PARP4: variants seen among roughly 807,000 people sequenced by gnomAD.
The protein encoded by PARP4 is poly(ADP-ribose) polymerase family member 4.
PARP4 carries 120 observed loss-of-function variants against 187.7 expected under a neutral mutation model. The ratio of observed to expected loss-of-function variants is 0.64; its 90% CI spans 0.55 to 0.74. PARP4 has a LOEUF of 0.74. PARP4 is among the 30% of genes least tolerant of loss of function. The pLI, the probability that PARP4 is intolerant of heterozygous loss-of-function variation, is 0.00. For missense variants in PARP4, 1,836 were observed against 2,070.5 expected (o/e 0.89, Z 2.20); for synonymous variants, 654 against 740.9 (o/e 0.88, Z 1.90).
At chr13:24,497,015 T>A (rs1046479974) in intron 6 of PARP4, among the ~76,000 whole-genome samples, 10 of 152,058 alleles carry the variant, frequency 6.6e-5, no homozygotes, top group African/African-American at 2.4e-4. Flanking sequence ...AGAGTGAGAC[T>A]CTGTCTCGGG....
In PARP4 at chr13:24,455,181, T is replaced by C. The variant is rs772926523; in HGVS notation, c.2594A>G (p.Asp865Gly). The C allele has an allele frequency of 1.9e-6, 3 of 1,596,416 alleles. No individual in the cohort carries two copies. Among genetic ancestry groups the C allele is most frequent in the East Asian group, 4.5e-5 (2 of 44,468 alleles). Residue 865 changes from aspartate to glycine, a missense_variant, in exon 22 of 34, where the codon GAT becomes GGT. Transcript: ENST00000381989. ...ACMLVFQPDLDVDLPDLASES... is the reference protein window; with the variant it reads ...ACMLVFQPDLGVDLPDLASES... Reference sequence around the variant, plus strand: ...ACTGGCTAGGTCAGGGAGGTCGACATCGAGATCGGGTTGAAAGACAAGCAT... The same window carrying C: ...ACTGGCTAGGTCAGGGAGGTCGACACCGAGATCGGGTTGAAAGACAAGCAT...
rs180979893 is a variant in PARP4, at chr13:24,483,304, G to A, written c.1448+1349C>T. Among the ~76,000 whole-genome samples, 1,244 of 150,804 alleles carry A rather than the reference G, an allele frequency of 8.2e-3. 9 individuals carry two copies. The highest frequency in any genetic ancestry group is 0.017 in the Middle Eastern group (5 of 294). ...GATCGAGACCATCCTGGCTAACAAG[G>A]TGAAACCCCGTCTCTACTAAAAATA... On this transcript the variant is annotated intron_variant, in intron 12 of 33. Transcript: ENST00000381989.
chr13:24,456,444 T>C lies in PARP4; in HGVS notation c.2459A>G (p.Glu820Gly). The C allele has an allele frequency of 6.2e-7, 1 of 1,608,644 alleles. No individual in the cohort carries two copies. Among genetic ancestry groups the C allele is most frequent in the Non-Finnish European group, 8.5e-7 (1 of 1,175,772 alleles). ...TCCACTGCTGTCTAAGGAGCTGCCT[T>C]CCATGGTGCTAATGACAGCTTTGCA... is the stretch of plus-strand genomic sequence containing the variant. ...TDCKAVISTM[E>G]GSSLDSSGFS... Residue 820 changes from glutamate to glycine, a missense_variant, in exon 21 of 34, where the codon GAA (glutamate) becomes GGA (glycine). By Grantham distance (98) the Glu-to-Gly change is moderately conservative. This residue lies in a region of PARP4 where 1,147 missense variants were observed against 1,214.2 expected (regional missense o/e 0.94). Transcript: ENST00000381989.
chr13:24,505,082 A>G (rs1869544295), intron 1 of PARP4, among the ~76,000 whole-genome samples: 1 of 149,516 alleles, frequency 6.7e-6, no homozygotes, highest in African/African-American at 2.5e-5. Flanking sequence ...AGCTCACTGT[A>G]ATCTCTGCCC....
At chr13:24,431,636 G>A (rs61947015) in intron 31 of PARP4, among the ~76,000 whole-genome samples, 160 bp from the exon 32 acceptor site, 19,744 of 152,216 alleles carry the variant, frequency 0.13, 1,569 homozygotes, top group Middle Eastern at 0.29. Context: ...CACACGGTAT[G>A]CCCATGTAAT....
At chr13:24,436,087 C>A (rs967550870) in intron 30 of PARP4, among the ~76,000 whole-genome samples, 1 of 152,022 alleles carries the variant, frequency 6.6e-6, no homozygotes, top group Non-Finnish European at 1.5e-5. Flanking sequence ...CTTAGAATTG[C>A]GGAATTTTAA....
At chr13:24,489,225 C>T (rs939111450) in intron 10 of PARP4, among the ~76,000 whole-genome samples, 2 of 152,120 alleles carry the variant, frequency 1.3e-5, no homozygotes, top group African/African-American at 2.4e-5. Flanking sequence ...AATCATCTAA[C>T]GCAGGCTGCA....
Position 24,452,498 on chromosome 13 carries a change from CAGG to C in PARP4, c.2919_2921del (p.Leu974del). The C allele has an allele frequency of 6.2e-7, 1 of 1,614,068 alleles. No homozygotes were observed. The highest frequency in any genetic ancestry group is 8.5e-7 in the Non-Finnish European group (1 of 1,179,980). On this transcript the variant is annotated inframe_deletion, in exon 24 of 34. Coordinates refer to ENST00000381989, the MANE Select transcript of PARP4 (RefSeq NM_006437.4). ...CATCCTGGAGGTGCCCATCAGACAC[CAGG>C]AGGATGTTCCGTGACCCTCGAGCAG...
chr13:24,460,515 T>G (rs1238610918), intron 17 of PARP4, among the ~76,000 whole-genome samples: 1 of 151,978 alleles, frequency 6.6e-6, no homozygotes, highest in African/African-American at 2.4e-5. Flanking sequence ...GCTGCATGGG[T>G]GGGCTCTGCT....
chr13:24,494,541 TCAA>T, intron 7 of PARP4, 29 bp downstream of exon 7: 2 of 1,575,468 alleles, frequency 1.3e-6, no homozygotes, highest in Non-Finnish European at 1.7e-6. Flanking sequence ...AAATATTCAA[TCAA>T]CAACAAAAAA....
intron 17 of PARP4, among the ~76,000 whole-genome samples, chr13:24,463,314 G>A (rs1185302226): frequency 6.6e-6 from 1 of 152,032 alleles, no homozygotes; most frequent in Admixed American, 6.6e-5. Flanking sequence ...AAATGAAGGT[G>A]AAAGACTTTG....
Position 24,498,113 on chromosome 13 carries a change from T to C in PARP4, c.591+3A>G. 6.3e-7 allele frequency: 1 copy of C among 1,592,608 alleles called. No homozygotes were observed. Among genetic ancestry groups the C allele is most frequent in the South Asian group, 1.1e-5 (1 of 90,626 alleles). On this transcript the variant is annotated splice_donor_region_variant and intron_variant, in intron 6 of 33. Coordinates refer to ENST00000381989, the MANE Select transcript of PARP4 (RefSeq NM_006437.4). ...ACATAGGAATCAATATAAACAGCAT[T>C]ACCTCCATGCCATCATCCAGGAGGA...
At chr13:24,480,022 C>A (rs1443172476) in intron 12 of PARP4, among the ~76,000 whole-genome samples, 1 of 152,078 alleles carries the variant, frequency 6.6e-6, no homozygotes, top group Non-Finnish European at 1.5e-5. Context: ...CCTGAGCCAG[C>A]GAGACCACGA....
intron 10 of PARP4, among the ~76,000 whole-genome samples, 167 bp downstream of exon 10, chr13:24,490,501 G>T (rs1868578589): frequency 6.6e-6 from 1 of 152,162 alleles, no homozygotes; most frequent in Non-Finnish European, 1.5e-5. Flanking sequence ...ACAGAAAACT[G>T]CCCCAGGCAC....
chr13:24,468,362 TG>T (rs1872576954), intron 17 of PARP4, among the ~76,000 whole-genome samples: 1 of 151,404 alleles, frequency 6.6e-6, no homozygotes, highest in Non-Finnish European at 1.5e-5. Flanking sequence ...ATCTGCTAGG[TG>T]AGCTTACTTC....
At chr13:24,423,510 G>A (rs1292182187) in intron 33 of PARP4, among the ~76,000 whole-genome samples, 1 of 148,676 alleles carries the variant, frequency 6.7e-6, no homozygotes, top group Admixed American at 6.7e-5. Flanking sequence ...CAGCCTGGGT[G>A]ACAGAACGAG....
chr13:24,437,236 T>C (rs985728059), intron 30 of PARP4, among the ~76,000 whole-genome samples: 28 of 152,172 alleles, frequency 1.8e-4, no homozygotes, highest in Admixed American at 1.8e-3. Context: ...AAAAATTGAA[T>C]GTAAACATGA....
rs1045270871 is a variant in PARP4 at position 24,503,928 on chromosome 13, T to C, written c.-1-151A>G. ...TCAATAGAACATTGCAAAAATTGAA[T>C]AATATCCTAGCTTGCAATATGTGTG... On this transcript the variant is annotated intron_variant, in intron 1 of 33. Coordinates refer to ENST00000381989, the MANE Select transcript of PARP4 (RefSeq NM_006437.4). 8 of 664,834 alleles carry C rather than the reference T, an allele frequency of 1.2e-5. No individual in the cohort carries two copies. The African/African-American group carries it at 1.3e-4, about 11-fold the overall frequency. 41.2% of individuals were successfully genotyped at this position (664,834 alleles called of 1,614,324 possible). A position where few individuals can be genotyped will look rare whatever the true frequency, so the allele number is the denominator to read the frequency against.
At chr13:24,499,791 A>C (rs1320858320) in intron 4 of PARP4, among the ~76,000 whole-genome samples, 2 of 152,200 alleles carry the variant, frequency 1.3e-5, no homozygotes, top group African/African-American at 4.8e-5. Flanking sequence ...GACTTCTCAT[A>C]ATCTGTACTT....
Sources: allele counts gnomAD v4.1 joint callset (sites outside exome capture counted in the v4.1 genomes callset), GRCh38; gene constraint gnomAD v4.1.1; regional missense constraint gnomAD v4.1.1; transcripts MANE v1.5; gene names NCBI Gene and HGNC (gene_info 2026-07-23, HGNC 2026-07-21).